YWHAQ: variants seen among roughly 807,000 people sequenced by gnomAD.
YWHAQ encodes 14-3-3 protein theta.
A neutral mutation model predicts 28.3 loss-of-function variants in YWHAQ; 6 were observed. The ratio of observed to expected loss-of-function variants is 0.21; its 90% CI spans 0.12 to 0.42. The LOEUF is 0.42. Among genes scored for constraint, YWHAQ ranks in the 10% least tolerant of loss-of-function variants. The pLI is 1.00. For synonymous variants in YWHAQ, 143 were observed against 119.1 expected, an observed-to-expected ratio of 1.20 and a Z score of -1.31; for missense variants, 201 against 305.6, an observed-to-expected ratio of 0.66 and a Z score of 2.55.
intron 5 of YWHAQ, among the ~76,000 whole-genome samples, chr2:9,586,412 T>C (rs1666344970): frequency 6.6e-6 from 1 of 152,194 alleles, no homozygotes; most frequent in African/African-American, 2.4e-5. Context: ...ATTATGAAGA[T>C]ACTAAATAAA....
At chr2:9,595,698 C>CAG (rs759925726) in intron 2 of YWHAQ, among the ~76,000 whole-genome samples, 2 of 75,448 alleles carry the variant, frequency 2.7e-5, no homozygotes, top group Non-Finnish European at 5.4e-5. Context: ...AATTCCATCT[C>CAG]AAAAAAAAAA....
At chr2:9,609,915 T>C (rs1045193204) in intron 2 of YWHAQ, among the ~76,000 whole-genome samples, 4 of 152,096 alleles carry the variant, frequency 2.6e-5, no homozygotes, top group African/African-American at 9.7e-5. Context: ...ATAAAAGAAG[T>C]CATCAATTAG....
Position 9,604,888 on chromosome 2 carries a change from GT to G in YWHAQ, c.295-13374del, listed in dbSNP as rs201780682. Among the ~76,000 whole-genome samples the G allele has an allele frequency of 6.2e-4, 94 of 152,248 alleles. 1 individual carries two copies. The East Asian group carries it at 0.016, about 27-fold the overall frequency. On this transcript the variant is annotated intron_variant, in intron 2 of 5. Coordinates refer to ENST00000238081, the MANE Select transcript of YWHAQ (RefSeq NM_006826.4). Reference sequence around the variant, plus strand: ...TGAACTCAATAAAAATGTTTTCTCAGTTATTTTTCATTCACAAAATGTAGCA... The same window carrying G: ...TGAACTCAATAAAAATGTTTTCTCAGTATTTTTCATTCACAAAATGTAGCA...
At chr2:9,599,965 T>G (rs1666655217) in intron 2 of YWHAQ, among the ~76,000 whole-genome samples, 1 of 152,188 alleles carries the variant, frequency 6.6e-6, no homozygotes, top group African/African-American at 2.4e-5. Flanking sequence ...TAGATGCCAT[T>G]AAGAAGATTT....
intron 2 of YWHAQ, among the ~76,000 whole-genome samples, chr2:9,625,820 G>C (rs1473091982): frequency 6.6e-6 from 1 of 152,152 alleles, no homozygotes; most frequent in Non-Finnish European, 1.5e-5. Context: ...AGAAGAGAGA[G>C]AGTCTGAGGG....
chr2:9,614,542 C>T (rs1667008291), intron 2 of YWHAQ, among the ~76,000 whole-genome samples: 1 of 152,190 alleles, frequency 6.6e-6, no homozygotes, highest in South Asian at 2.1e-4. Flanking sequence ...AATGGACAGA[C>T]ATCCTGATAC....
At chr2:9,626,715 G>A (rs1368718184) in intron 2 of YWHAQ, among the ~76,000 whole-genome samples, 2 of 152,224 alleles carry the variant, frequency 1.3e-5, no homozygotes, top group African/African-American at 4.8e-5. Flanking sequence ...ACAGGCATGA[G>A]CCACCACATC....
intron 2 of YWHAQ, among the ~76,000 whole-genome samples, chr2:9,597,006 T>C (rs899432580): frequency 1.3e-5 from 2 of 152,220 alleles, no homozygotes; most frequent in African/African-American, 4.8e-5. Context: ...TGTCAGAATA[T>C]ATGAGTTTTA....
intron 2 of YWHAQ, among the ~76,000 whole-genome samples, chr2:9,599,954 C>A (rs1214952540): frequency 6.6e-6 from 1 of 152,164 alleles, no homozygotes; most frequent in African/African-American, 2.4e-5. Context: ...ATTCACCATT[C>A]TAGATGCCAT....
At chr2:9,623,685 A>C (rs1667190241) in intron 2 of YWHAQ, among the ~76,000 whole-genome samples, 1 of 152,194 alleles carries the variant, frequency 6.6e-6, no homozygotes, top group Non-Finnish European at 1.5e-5. Flanking sequence ...ACACAGGAGA[A>C]TTGCTTGAAC....
At chr2:9,591,326 G>A (rs1369968598) in intron 3 of YWHAQ, 66 bp downstream of exon 3, 11 of 1,559,556 alleles carry the variant, frequency 7.1e-6, no homozygotes, top group Non-Finnish European at 9.6e-6. Flanking sequence ...TACTGTCATA[G>A]TGTCCCATTT....
chr2:9,587,671 T>G (rs1470187140), intron 4 of YWHAQ, among the ~76,000 whole-genome samples, 162 bp from the exon 5 acceptor site: 1 of 152,246 alleles, frequency 6.6e-6, no homozygotes, highest in African/African-American at 2.4e-5. Flanking sequence ...TAAGAACTTA[T>G]GAGTATGACT....
At chr2:9,591,770 G>A (rs552794609) in intron 2 of YWHAQ, among the ~76,000 whole-genome samples, 3 of 152,202 alleles carry the variant, frequency 2.0e-5, no homozygotes, top group South Asian at 4.1e-4. Context: ...ACCAAACATT[G>A]TAATTTGAAA....
intron 2 of YWHAQ, among the ~76,000 whole-genome samples, chr2:9,604,734 T>C (rs1192786113): frequency 3.2e-4 from 49 of 152,166 alleles, no homozygotes; most frequent in Admixed American, 3.2e-3. Context: ...GATTTCAGTA[T>C]TCAAGGAGGT....
At chr2:9,614,382 C>A (rs1274047838) in intron 2 of YWHAQ, among the ~76,000 whole-genome samples, 3 of 152,166 alleles carry the variant, frequency 2.0e-5, no homozygotes, top group Non-Finnish European at 4.4e-5. Flanking sequence ...CTAGCATCCA[C>A]AAGCTGTTTT....
At chr2:9,601,145 T>C (rs1209484314) in intron 2 of YWHAQ, among the ~76,000 whole-genome samples, 1 of 152,200 alleles carries the variant, frequency 6.6e-6, no homozygotes, top group Admixed American at 6.5e-5. Context: ...CATTGTGTGG[T>C]CATCCTGTAG....
At chr2:9,607,848 A>C (rs1666863623) in intron 2 of YWHAQ, among the ~76,000 whole-genome samples, 1 of 151,376 alleles carries the variant, frequency 6.6e-6, no homozygotes, top group Non-Finnish European at 1.5e-5. Flanking sequence ...AGTAGCTGGG[A>C]CTACAGGTAC....
intron 2 of YWHAQ, among the ~76,000 whole-genome samples, chr2:9,611,203 C>T: frequency 6.6e-6 from 1 of 152,182 alleles, no homozygotes; most frequent in East Asian, 1.9e-4. Context: ...CAAATCTACC[C>T]CCTACTGTGG....
chr2:9,610,407 C>A (rs1285169386), intron 2 of YWHAQ, among the ~76,000 whole-genome samples: 1 of 152,142 alleles, frequency 6.6e-6, no homozygotes, highest in African/African-American at 2.4e-5. Flanking sequence ...TGGTACATAA[C>A]CCTCAATTGT....
Sources: gnomAD v4.1 joint callset for allele counts (sites outside exome capture counted in the v4.1 genomes callset) on GRCh38, gnomAD v4.1.1 for gene constraint, MANE v1.5 for transcripts, NCBI Gene and HGNC (gene_info 2026-07-23, HGNC 2026-07-21) for gene names.